The following KDM6A variants were observed in gnomAD, a reference collection of about 807,000 sequenced individuals.
KDM6A encodes the protein lysine demethylase 6A.
Under a neutral mutation model 117.6 loss-of-function variants are expected in KDM6A, and 11 were observed. That is an observed-to-expected ratio of 0.09 (90% CI 0.06 to 0.15). The LOEUF (loss-of-function observed/expected upper bound fraction) is 0.15, where lower values mean the gene tolerates loss of function less well. KDM6A is among the 10% of genes least tolerant of loss of function. KDM6A has a pLI of 1.00. For synonymous variants in KDM6A, 384 were observed against 396.1 expected (o/e 0.97, Z 0.36); for missense variants, 799 against 1,077.3 (o/e 0.74, Z 3.62).
intron 2 of KDM6A, among the ~76,000 whole-genome samples, chrX:44,895,026 C>T (rs1011045745): frequency 3.6e-5 from 4 of 110,664 alleles, no homozygotes; most frequent in African/African-American, 1.3e-4. Context: ...CTTGGCTTCC[C>T]GAAGTGCTGG....
intron 5 of KDM6A, among the ~76,000 whole-genome samples, chrX:45,014,061 C>G (rs983409205): frequency 9.0e-6 from 1 of 111,459 alleles, no homozygotes; most frequent in African/African-American, 3.3e-5. Flanking sequence ...AAGAATCTGC[C>G]TATGATGTTT....
At chrX:45,076,649 T>A in intron 18 of KDM6A, 48 bp from the exon 19 acceptor site, 4 of 946,905 alleles carry the variant, frequency 4.2e-6, no homozygotes, top group Non-Finnish European at 5.9e-6. Flanking sequence ...TTTTTTTCTG[T>A]TTTCCAAATA....
At chrX:44,995,855 G>A (rs866107697) in intron 4 of KDM6A, among the ~76,000 whole-genome samples, 37 of 111,394 alleles carry the variant, frequency 3.3e-4, no homozygotes, top group South Asian at 7.5e-4. Context: ...GCACGGGGAA[G>A]GAAGTTGTTG....
At chrX:44,994,144 A>G (rs1337509951) in intron 4 of KDM6A, among the ~76,000 whole-genome samples, 1 of 112,042 alleles carries the variant, frequency 8.9e-6, no homozygotes, top group Non-Finnish European at 1.9e-5. Context: ...TGAAATATAC[A>G]TGATTATTAA....
At chrX:45,039,013 T>A (rs1363833126) in intron 8 of KDM6A, among the ~76,000 whole-genome samples, 1 of 111,153 alleles carries the variant, frequency 9.0e-6, no homozygotes, top group East Asian at 2.8e-4. Context: ...AGATACAAGA[T>A]CCTGCTACAT....
chrX:45,019,407 A>G (rs922645900), intron 5 of KDM6A, among the ~76,000 whole-genome samples: 9 of 111,667 alleles, frequency 8.1e-5, no homozygotes, highest in African/African-American at 2.9e-4. Context: ...AATAAACACT[A>G]CCTTTTAGGA....
chrX:44,873,249 C>G lies in KDM6A; in HGVS notation c.-303C>G, dbSNP rs2030996894. On this transcript the variant is annotated 5_prime_UTR_variant, in exon 1 of 30. Transcript: ENST00000611820. ...CTCCAACGAATCCCCTCAGTGCTCC[C>G]CAGCCCCGCGCGCTCCGGCCGTTCC... The G allele has an allele frequency of 6.0e-6, 2 of 332,622 alleles. No individual in the cohort carries two copies. Among genetic ancestry groups the G allele is most frequent in the Admixed American group, 1.2e-4 (2 of 16,017 alleles). 27.4% of individuals were successfully genotyped at this position (332,622 alleles called of 1,213,427 possible). A position where few individuals can be genotyped will look rare whatever the true frequency, so the allele number is the denominator to read the frequency against.
At chrX:45,070,947 G>A (rs917027127) in intron 18 of KDM6A, among the ~76,000 whole-genome samples, 1 of 111,109 alleles carries the variant, frequency 9.0e-6, no homozygotes, top group Admixed American at 9.5e-5. Context: ...GGAAGGGCAG[G>A]GCCTCAGAAA....
chrX:45,014,932 A>G (rs1039824790), intron 5 of KDM6A, among the ~76,000 whole-genome samples: 2 of 111,788 alleles, frequency 1.8e-5, no homozygotes, highest in African/African-American at 3.3e-5. Flanking sequence ...TTGGAAATTA[A>G]GCCCCCAAAT....
rs188839022 is a variant in KDM6A, at chrX:44,938,260, G to T, written c.226-23024G>T. Among the ~76,000 whole-genome samples, 47 of 111,676 alleles carry T rather than the reference G, an allele frequency of 4.2e-4. 1 individual carries two copies. Among genetic ancestry groups the T allele is most frequent in the Admixed American group, 4.1e-3 (43 of 10,508 alleles). Reference sequence around the variant, plus strand: ...CAGGCATGAGCCACCGCACCTGACCGAAAACATTCTTGAAGGGAATTAAAA... The same window carrying T: ...CAGGCATGAGCCACCGCACCTGACCTAAAACATTCTTGAAGGGAATTAAAA... On this transcript the variant is annotated intron_variant, in intron 2 of 29. Transcript: ENST00000611820.
intron 4 of KDM6A, among the ~76,000 whole-genome samples, chrX:45,007,252 A>G (rs966915347): frequency 6.2e-5 from 7 of 112,058 alleles, no homozygotes; most frequent in African/African-American, 2.3e-4. Flanking sequence ...CAGTGCCTCT[A>G]CTCAGTCCTC....
chrX:44,961,883 T>C (rs1169228463), intron 3 of KDM6A, among the ~76,000 whole-genome samples: 1 of 111,896 alleles, frequency 8.9e-6, no homozygotes, highest in Non-Finnish European at 1.9e-5. Context: ...GAAATGTTTT[T>C]CCTTTAAGAA....
intron 8 of KDM6A, among the ~76,000 whole-genome samples, chrX:45,040,473 T>A (rs866159388): frequency 3.8e-5 from 2 of 52,812 alleles, no homozygotes; most frequent in East Asian, 7.9e-4. Context: ...CCCTCCCGGA[T>A]GGGGCGGCTG....
intron 2 of KDM6A, among the ~76,000 whole-genome samples, chrX:44,950,831 C>T (rs1225251391): frequency 8.2e-5 from 9 of 110,145 alleles, no homozygotes; most frequent in Admixed American, 7.8e-4. Context: ...TCCCTTCCCC[C>T]TTTTTCCTTT....
chrX:45,038,297 T>C (rs1028771987), intron 8 of KDM6A, among the ~76,000 whole-genome samples: 9 of 111,916 alleles, frequency 8.0e-5, no homozygotes, highest in African/African-American at 2.9e-4. Context: ...ATTTATCTTA[T>C]TCTTGATGCC....
intron 5 of KDM6A, among the ~76,000 whole-genome samples, chrX:45,013,746 G>C (rs1473518998): frequency 9.0e-6 from 1 of 111,647 alleles, no homozygotes; most frequent in African/African-American, 3.3e-5. Context: ...ATTCACTCTG[G>C]CTGTGTTTTT....
In KDM6A at chrX:45,086,610, T is replaced by A. The variant is rs1157279788; in HGVS notation, c.3704+631T>A. On this transcript the variant is annotated intron_variant, in intron 25 of 29. Transcript: ENST00000611820. The stretch of plus-strand genomic sequence containing the variant: ...CACATCCAGCCCAGATTTTGTTTTC[T>A]CTAGTTGAAAGAACTTGGATAGTTC... Among the ~76,000 whole-genome samples the A allele has an allele frequency of 4.5e-5, 5 of 111,976 alleles. No individual in the cohort carries two copies. In the East Asian group the frequency reaches 1.4e-3, roughly 31 times the overall value.
intron 6 of KDM6A, among the ~76,000 whole-genome samples, chrX:45,027,601 G>A (rs997136084): frequency 2.7e-5 from 3 of 110,635 alleles, no homozygotes; most frequent in African/African-American, 6.6e-5. Flanking sequence ...TGGAATAATT[G>A]GTGGTAGTTA....
intron 13 of KDM6A, 102 bp downstream of exon 13, chrX:45,060,258 A>C: frequency 8.9e-7 from 1 of 1,128,335 alleles, no homozygotes; most frequent in Non-Finnish European, 1.2e-6. Context: ...GCTTTTAGTA[A>C]TGAAAAGCCT....
Sources: gnomAD v4.1 joint callset for allele counts (sites outside exome capture counted in the v4.1 genomes callset) on GRCh38, gnomAD v4.1.1 for gene constraint, MANE v1.5 for transcripts, NCBI Gene and HGNC (gene_info 2026-07-23, HGNC 2026-07-21) for gene names.